ASPG: variants seen among roughly 807,000 people sequenced by gnomAD.
ASPG encodes the protein asparaginase.
Under a neutral mutation model 63.2 loss-of-function variants are expected in ASPG, and 53 were observed. The observed-to-expected ratio is 0.84, with a 90% CI of 0.67 to 1.05. The LOEUF (loss-of-function observed/expected upper bound fraction) is 1.05. Among genes scored for constraint, ASPG ranks in the 50% least tolerant of loss-of-function variants. The pLI is 0.00. For missense variants in ASPG, 741 were observed against 794.4 expected, an observed-to-expected ratio of 0.93 and a Z score of 0.81; for synonymous variants, 370 against 355.0, an observed-to-expected ratio of 1.04 and a Z score of -0.48.
chr14:104,109,264 G>A lies in ASPG; in HGVS notation c.1469G>A (p.Gly490Glu). 6.2e-7 allele frequency: 1 copy of A among 1,613,234 alleles called. No homozygotes were observed. Among genetic ancestry groups the A allele is most frequent in the Non-Finnish European group, 8.5e-7 (1 of 1,179,768 alleles). The part of the protein sequence containing the change: ...PGVIGLLREA[G>E]ASLSTQELEE... Reference sequence around the variant, plus strand: ...GTCATTGGGTTGCTGCGGGAAGCCGGGGCCTCCCTGTCCACCCAGGAGCTG... The same window carrying A: ...GTCATTGGGTTGCTGCGGGAAGCCGAGGCCTCCCTGTCCACCCAGGAGCTG... The change falls in exon 13 of 16, where the codon GGG becomes GAG. Residue 490 changes from glycine (G) to glutamate (E), a missense_variant. Gly to Glu is a moderately conservative substitution (Grantham distance 98). Coordinates refer to ENST00000551177, the MANE Select transcript of ASPG (RefSeq NM_001080464.3). The surrounding 1 kb of genome is among the most constrained non-coding windows in gnomAD (Gnocchi z 4.8).
chr14:104,111,635 G>A (rs931153606), intron 14 of ASPG, 34 bp downstream of exon 14: 2 of 1,527,896 alleles, frequency 1.3e-6, no homozygotes, highest in African/African-American at 2.8e-5. Flanking sequence ...CCTCTCCAAA[G>A]GCTGCCACCT....
rs1416369447 is a variant in ASPG, at chr14:104,092,746, G to A, written c.191+5G>A. 4 of 1,534,502 alleles carry A rather than the reference G, an allele frequency of 2.6e-6. No homozygotes were observed. The highest frequency in any genetic ancestry group is 3.5e-6 in the Non-Finnish European group (4 of 1,145,820). On this transcript the variant is annotated splice_donor_5th_base_variant and intron_variant, in intron 2 of 15. Transcript: ENST00000551177. ...TGAGGACACCCTGGTGCTACCGTGA[G>A]TGTGGGCTCCTCCCAGTCCCGGACA...
At chr14:104,089,947 C>CAAAAAAAA (rs58405958) in intron 1 of ASPG, among the ~76,000 whole-genome samples, 1 of 56,350 alleles carries the variant, frequency 1.8e-5, no homozygotes, top group Non-Finnish European at 2.9e-5. Flanking sequence ...GACTCTGCCT[C>CAAAAAAAA]AAAAAAAAAA....
intron 14 of ASPG, 129 bp downstream of exon 14, chr14:104,111,730 A>G (rs953972708): frequency 2.2e-6 from 2 of 889,534 alleles, no homozygotes; most frequent in African/African-American, 1.7e-5. Context: ...GGCCCTCCCC[A>G]TGCAGGACCC....
chr14:104,097,468 CCTGGGGG>C, intron 4 of ASPG, 79 bp from the exon 5 acceptor site: 1 of 1,348,488 alleles, frequency 7.4e-7, no homozygotes, highest in Non-Finnish European at 1.0e-6. Context: ...CTGGGCTGGG[CCTGGGGG>C]TTTACCTGGA....
intron 6 of ASPG, among the ~76,000 whole-genome samples, chr14:104,101,483 C>G (rs1056441858): frequency 4.0e-5 from 6 of 151,840 alleles, no homozygotes; most frequent in South Asian, 2.1e-4. Flanking sequence ...TGGGGGGATG[C>G]GTGGGAGGCT....
At chr14:104,100,840 G>T (rs1413885590) in intron 6 of ASPG, among the ~76,000 whole-genome samples, 2 of 152,238 alleles carry the variant, frequency 1.3e-5, no homozygotes, top group Admixed American at 1.3e-4. Flanking sequence ...AGCCCAGGGA[G>T]AAGGAGCAGC....
chr14:104,093,570 G>T lies in ASPG; in HGVS notation c.271G>T (p.Ala91Ser). 1 of 1,612,118 alleles carries T rather than the reference G, an allele frequency of 6.2e-7. No individual in the cohort carries two copies. The highest frequency in any genetic ancestry group is 2.2e-5 in the East Asian group (1 of 44,832). ...PLFDSSDMTI[A>S]EWVCLAQTIK... ...CTTCGACTCCAGTGACATGACCATC[G>T]CTGAGTGGGTTTGCCTTGCCCAGAC... Residue 91 changes from alanine (A) to serine (S), a missense_variant, in exon 3 of 16, where the codon GCT becomes TCT. Ala to Ser is a moderately conservative substitution (Grantham distance 99, BLOSUM62 1). Coordinates refer to ENST00000551177, the MANE Select transcript of ASPG (RefSeq NM_001080464.3).
In ASPG at chr14:104,111,950, G is replaced by A. The variant is rs1379494793; in HGVS notation, c.1651G>A (p.Ala551Thr). 1.9e-6 allele frequency: 3 copies of A among 1,557,730 alleles called. No individual in the cohort carries two copies. The highest frequency in any genetic ancestry group is 2.6e-6 in the Non-Finnish European group (3 of 1,150,592). The change falls in exon 15 of 16, where the codon GCC becomes ACC. Residue 551 changes from alanine to threonine, a missense_variant. Physicochemically the swap from Ala to Thr is moderately conservative, Grantham distance 58. Transcript: ENST00000551177. The part of the protein sequence containing the change: ...AEAAGNLAVV[A>T]FLQSLEGAVG... ...GGCAGCCGGGAACCTGGCAGTGGTG[G>A]CCTTTCTACAGAGCCTGGAGGGTGC... is the stretch of plus-strand genomic sequence containing the variant.
In ASPG at chr14:104,109,790, C is replaced by T. The variant is rs1453195060; in HGVS notation, c.1520+475C>T. Among the ~76,000 whole-genome samples the T allele has an allele frequency of 6.6e-6, 1 of 151,892 alleles. No individual in the cohort carries two copies. The highest frequency in any genetic ancestry group is 1.5e-5 in the Non-Finnish European group (1 of 67,954). On this transcript the variant is annotated intron_variant, in intron 13 of 15. Coordinates refer to ENST00000551177, the MANE Select transcript of ASPG (RefSeq NM_001080464.3). The surrounding 1 kb of genome is among the most constrained non-coding windows in gnomAD (Gnocchi z 4.8). ...CTGTTCTCCCCAGCGTGGTTCCTGT[C>T]CTGGGATAAACTGACCTAGGCCCCG...
intron 13 of ASPG, chr14:104,111,276 C>CAT: frequency 1.2e-6 from 1 of 856,876 alleles, no homozygotes; most frequent in Non-Finnish European, 1.4e-6. Context: ...TGTATGTTTG[C>CAT]GCATGTGTAC....
chr14:104,085,703 C>T lies in ASPG; in HGVS notation c.-68C>T, dbSNP rs1314010641. The T allele has an allele frequency of 1.5e-6, 2 of 1,372,702 alleles. No homozygotes were observed. The highest frequency in any genetic ancestry group is 1.5e-5 in the African/African-American group (1 of 65,752). The allele number at this position is 1,372,702 out of a possible 1,614,324, so 85.0% of individuals were successfully genotyped here. ...GCGCCCCGGGCCTCCTCCGCGCAGT[C>T]CCTGAGTCCCGCAGGCCCTGCGTCC... On this transcript the variant is annotated 5_prime_UTR_variant, in exon 1 of 16. Coordinates refer to ENST00000551177, the MANE Select transcript of ASPG (RefSeq NM_001080464.3).
chr14:104,109,180 G>A lies in ASPG; in HGVS notation c.1434-49G>A, dbSNP rs371918946. 281 of 1,602,328 alleles carry A rather than the reference G, an allele frequency of 1.8e-4. No individual in the cohort carries two copies. The highest frequency in any genetic ancestry group is 1.3e-4 in the Non-Finnish European group (150 of 1,175,172). On this transcript the variant is annotated intron_variant, in intron 12 of 15. Coordinates refer to ENST00000551177, the MANE Select transcript of ASPG (RefSeq NM_001080464.3). This position sits in a 1 kb window ranked among gnomAD's most constrained non-coding sequence, Gnocchi z 4.8. ...TGCTGGCTCCTGAGTGAGGTGCAGC[G>A]GGGCTGGGCTGGCCAGGGCAGAAGG... is the stretch of plus-strand genomic sequence containing the variant.
At position 104,107,301 on chromosome 14, in the gene ASPG, G is replaced by A; in HGVS notation, c.1389G>A (p.Arg463=). Residue 463 remains arginine (R), a synonymous_variant, in exon 12 of 16, where the codon CGG becomes CGA. Coordinates refer to ENST00000551177, the MANE Select transcript of ASPG (RefSeq NM_001080464.3). ...LLQRGVDVNT[R]DTDGFSPLLL... is the part of the protein sequence containing the mutation. ...AGAGAGGTGTGGACGTGAACACCCG[G>A]GACACGGATGGCTTCAGCCCGCTGC... 1.2e-6 allele frequency: 2 copies of A among 1,604,370 alleles called. No homozygotes were observed. The highest frequency in any genetic ancestry group is 2.2e-5 in the East Asian group (1 of 44,704).
At chr14:104,104,816 T>C in intron 9 of ASPG, 81 bp downstream of exon 9, 1 of 1,225,254 alleles carries the variant, frequency 8.2e-7, no homozygotes, top group Non-Finnish European at 1.1e-6. Context: ...TCTGGGGCGA[T>C]GCCGGAAGAG....
chr14:104,105,290 C>G, intron 9 of ASPG, 38 bp from the exon 10 acceptor site: 1 of 1,612,460 alleles, frequency 6.2e-7, no homozygotes, highest in Non-Finnish European at 8.5e-7. Flanking sequence ...GCCCATCCAG[C>G]CCTGGCAGAG....
intron 13 of ASPG, 94 bp from the exon 14 acceptor site, chr14:104,111,407 GT>G (rs2037377465): frequency 8.3e-7 from 1 of 1,207,964 alleles, no homozygotes; most frequent in Non-Finnish European, 1.2e-6. Context: ...GGCTGGCTTT[GT>G]AAGAGCGTCC....
intron 12 of ASPG, 126 bp downstream of exon 12, chr14:104,107,471 G>C (rs2037187491): frequency 1.0e-6 from 1 of 986,446 alleles, no homozygotes; most frequent in Non-Finnish European, 1.3e-6. Flanking sequence ...CTTCCTAAAG[G>C]CTGCCCCCGC....
intron 14 of ASPG, 144 bp downstream of exon 14, chr14:104,111,745 A>G: frequency 2.2e-6 from 2 of 894,158 alleles, no homozygotes; most frequent in Non-Finnish European, 3.4e-6. Context: ...GGACCCGCAC[A>G]GACTGGGTCC....
Sources: gnomAD v4.1 joint callset for allele counts (sites outside exome capture counted in the v4.1 genomes callset) on GRCh38, gnomAD v4.1.1 for gene constraint, Gnocchi (gnomAD v3.1) non-coding constraint, MANE v1.5 for transcripts, NCBI Gene and HGNC (gene_info 2026-07-23, HGNC 2026-07-21) for gene names.